The following GMDS variants were observed in gnomAD, a reference collection of about 807,000 sequenced individuals.
GMDS encodes the protein GDP-mannose 4,6-dehydratase.
GMDS carries 20 observed loss-of-function variants against 49.9 expected under a neutral mutation model. That is an observed-to-expected ratio of 0.40 (90% confidence interval 0.28 to 0.58). GMDS has a LOEUF of 0.58. GMDS is among the 20% of genes least tolerant of loss of function. The pLI, the probability that GMDS is intolerant of heterozygous loss-of-function variation, is 0.42. For synonymous variants in GMDS, 177 were observed against 178.6 expected (o/e 0.99, Z 0.07); for missense variants, 362 against 481.4 (o/e 0.75, Z 2.32).
intron 7 of GMDS, among the ~76,000 whole-genome samples, chr6:1,788,441 A>T (rs1769403010): frequency 6.6e-6 from 1 of 152,314 alleles, no homozygotes; most frequent in Middle Eastern, 3.4e-3. Context: ...CAATTCATTC[A>T]CAGGCTTTAC....
intron 4 of GMDS, among the ~76,000 whole-genome samples, chr6:2,012,406 A>T (rs755939397): frequency 1.3e-5 from 2 of 152,202 alleles, no homozygotes; most frequent in Non-Finnish European, 2.9e-5. Flanking sequence ...TATGTGAAAT[A>T]TAAGTATGAA....
intron 6 of GMDS, among the ~76,000 whole-genome samples, chr6:1,955,530 A>T (rs3800150): frequency 6.6e-6 from 1 of 152,062 alleles, no homozygotes; most frequent in Non-Finnish European, 1.5e-5. Flanking sequence ...CTCCCATTTC[A>T]TAAGAAGCAA....
intron 1 of GMDS, among the ~76,000 whole-genome samples, chr6:2,146,249 T>C (rs892945034): frequency 1.3e-5 from 2 of 152,192 alleles, no homozygotes; most frequent in African/African-American, 4.8e-5. Flanking sequence ...CAACAGTCAT[T>C]TATTTTCCAA....
At chr6:2,214,854 G>GA (rs1164841554) in intron 1 of GMDS, among the ~76,000 whole-genome samples, 1 of 152,080 alleles carries the variant, frequency 6.6e-6, no homozygotes, top group African/African-American at 2.4e-5. Context: ...AATCACTGAA[G>GA]AAAAAACTAC....
chr6:1,965,779 G>A (rs949032370), intron 4 of GMDS, among the ~76,000 whole-genome samples: 3 of 152,206 alleles, frequency 2.0e-5, no homozygotes, highest in African/African-American at 7.2e-5. Flanking sequence ...GCTCCAGTGA[G>A]CCATGATCAT....
chr6:1,886,403 C>G (rs1366198041), intron 7 of GMDS, among the ~76,000 whole-genome samples: 2 of 151,868 alleles, frequency 1.3e-5, no homozygotes, highest in Non-Finnish European at 2.9e-5. Flanking sequence ...AATTAGAGAC[C>G]CAGTTGTTGT....
At chr6:2,237,889 A>T (rs924396666) in intron 1 of GMDS, among the ~76,000 whole-genome samples, 1 of 152,180 alleles carries the variant, frequency 6.6e-6, no homozygotes, top group Non-Finnish European at 1.5e-5. Flanking sequence ...GAAAGGAGAA[A>T]ACTGAAATAT....
chr6:1,855,662 T>A (rs1251451053), intron 7 of GMDS, among the ~76,000 whole-genome samples: 2 of 152,174 alleles, frequency 1.3e-5, no homozygotes. Flanking sequence ...GACCAAGTGA[T>A]AAAAATGTTA....
At chr6:1,995,226 G>C (rs186022713) in intron 4 of GMDS, among the ~76,000 whole-genome samples, 1 of 152,114 alleles carries the variant, frequency 6.6e-6, no homozygotes, top group Non-Finnish European at 1.5e-5. Context: ...GCCACAGATC[G>C]TTTACAGTGG....
chr6:1,685,377 C>CAACA (rs555710068), intron 9 of GMDS, among the ~76,000 whole-genome samples: 355 of 152,246 alleles, frequency 2.3e-3, no homozygotes, highest in Non-Finnish European at 3.9e-3. Flanking sequence ...AAACAAAAAA[C>CAACA]AACAAACAAA....
chr6:1,774,126 G>A (rs1768696571), intron 7 of GMDS, among the ~76,000 whole-genome samples: 1 of 152,186 alleles, frequency 6.6e-6, no homozygotes, highest in Non-Finnish European at 1.5e-5. Context: ...CAGAGGCAAG[G>A]CCTTATAAAT....
intron 7 of GMDS, among the ~76,000 whole-genome samples, chr6:1,884,096 A>C (rs1759489840): frequency 6.6e-6 from 1 of 152,210 alleles, no homozygotes; most frequent in Admixed American, 6.5e-5. Flanking sequence ...CAATTAAACC[A>C]CATATAGGAA....
At chr6:1,710,526 T>C (rs549173414) in intron 9 of GMDS, among the ~76,000 whole-genome samples, 51 of 152,302 alleles carry the variant, frequency 3.3e-4, no homozygotes, top group Non-Finnish European at 6.0e-4. Context: ...GACAATGCCC[T>C]CTGGGGCTTC....
intron 1 of GMDS, among the ~76,000 whole-genome samples, chr6:2,244,841 T>C (rs1233656482): frequency 6.6e-6 from 1 of 152,218 alleles, no homozygotes; most frequent in Non-Finnish European, 1.5e-5. Flanking sequence ...AATCCGGTGA[T>C]AGGGGACGAA....
chr6:1,758,627 C>A (rs1342465218), intron 7 of GMDS, among the ~76,000 whole-genome samples: 2 of 152,166 alleles, frequency 1.3e-5, no homozygotes, highest in African/African-American at 4.8e-5. Context: ...GCTACAGATT[C>A]AATAGGCCTG....
chr6:2,091,705 TTCACAAC>T (rs1773317588), intron 4 of GMDS, among the ~76,000 whole-genome samples: 1 of 152,090 alleles, frequency 6.6e-6, no homozygotes, highest in African/African-American at 2.4e-5. Flanking sequence ...GCCCAAGGAA[TTCACAAC>T]CAGCCTGGAC....
intron 4 of GMDS, among the ~76,000 whole-genome samples, chr6:2,030,779 T>C (rs918508761): frequency 6.6e-6 from 1 of 152,106 alleles, no homozygotes; most frequent in African/African-American, 2.4e-5. Context: ...TATAAAGTGG[T>C]TCGCTAAATT....
intron 7 of GMDS, among the ~76,000 whole-genome samples, chr6:1,828,760 T>C (rs1379361198): frequency 2.6e-5 from 4 of 152,208 alleles, no homozygotes; most frequent in Non-Finnish European, 4.4e-5. Context: ...ATTACCACTA[T>C]ACCTCTCCTA....
intron 7 of GMDS, among the ~76,000 whole-genome samples, chr6:1,764,407 T>C (rs1248298050): frequency 6.6e-6 from 1 of 152,164 alleles, no homozygotes; most frequent in African/African-American, 2.4e-5. Flanking sequence ...TATCATGTAG[T>C]GAAAAGAACT....
Sources: allele counts gnomAD v4.1 joint callset (sites outside exome capture counted in the v4.1 genomes callset), GRCh38; gene constraint gnomAD v4.1.1; transcripts MANE v1.5; gene names NCBI Gene and HGNC (gene_info 2026-07-23, HGNC 2026-07-21).